Variants in GALNT13 observed in about 807,000 individuals in gnomAD.
GALNT13 encodes UDP-GalNAc:polypeptide N-acetylgalactosaminyltransferase 13.
In GALNT13, 28 loss-of-function variants were observed where a neutral mutation model predicts 64.2. The observed-to-expected ratio is 0.44, with a 90% CI of 0.32 to 0.60. The LOEUF (loss-of-function observed/expected upper bound fraction) is 0.60, where lower values mean the gene tolerates loss of function less well. Ranked by LOEUF, GALNT13 falls within the 20% of genes least tolerant of loss-of-function variation. The pLI is 0.05. For synonymous variants in GALNT13, 214 were observed against 224.6 expected (o/e 0.95, Z 0.42); for missense variants, 577 against 669.8 (o/e 0.86, Z 1.53).
intron 9 of GALNT13, among the ~76,000 whole-genome samples, chr2:154,388,574 T>C (rs932579828): frequency 6.6e-6 from 1 of 152,206 alleles, no homozygotes; most frequent in Non-Finnish European, 1.5e-5. Flanking sequence ...TGGTATAAGA[T>C]AAGAATAAGA....
At chr2:153,733,866 A>T in the GALNT13 span, among the ~76,000 whole-genome samples, 6 of 152,310 alleles carry the variant, frequency 3.9e-5, no homozygotes, top group South Asian at 8.3e-4. Context: ...TTTCCAGCAG[A>T]CCGTCCTTTT....
the GALNT13 span, among the ~76,000 whole-genome samples, chr2:153,161,563 G>C: frequency 6.6e-6 from 1 of 151,894 alleles, no homozygotes; most frequent in African/African-American, 2.4e-5. Context: ...AGTTCAGCCA[G>C]ACTTAAGAGA....
chr2:154,144,908 G>A (rs990830750), intron 4 of GALNT13, among the ~76,000 whole-genome samples: 1 of 151,408 alleles, frequency 6.6e-6, no homozygotes, highest in Non-Finnish European at 1.5e-5. Context: ...ACATTTGTAT[G>A]TAATCCTAAT....
chr2:154,399,377 G>C lies in GALNT13; in HGVS notation c.1296+3247G>C, dbSNP rs146889291. ...TATTTGTCATAGTTCTGGAGATTAG[G>C]AAGTCCAAGATCAAGGTGCCAACCG... On this transcript the variant is annotated intron_variant, in intron 10 of 12. Coordinates refer to ENST00000392825, the MANE Select transcript of GALNT13 (RefSeq NM_052917.4). 5.6e-3 allele frequency among the ~76,000 whole-genome samples: 859 copies of C among 152,236 alleles called. 7 individuals carry two copies. The highest frequency in any genetic ancestry group is 0.02 in the African/African-American group (817 of 41,538).
chr2:154,132,449 C>T (rs1682672855), intron 3 of GALNT13, among the ~76,000 whole-genome samples: 1 of 151,982 alleles, frequency 6.6e-6, no homozygotes. Flanking sequence ...TTCTATGCAT[C>T]ATTTTAATCA....
chr2:153,071,901 G>A, the GALNT13 span, among the ~76,000 whole-genome samples: 1 of 152,086 alleles, frequency 6.6e-6, no homozygotes, highest in Non-Finnish European at 1.5e-5. Context: ...AGTTCTATCT[G>A]GTTCTTTACA....
the GALNT13 span, among the ~76,000 whole-genome samples, chr2:153,238,013 G>A: frequency 6.6e-6 from 1 of 151,670 alleles, no homozygotes; most frequent in African/African-American, 2.4e-5. Flanking sequence ...CTGTTTTTTG[G>A]ATAAAAAACC....
chr2:153,944,480 T>C lies in GALNT13; in HGVS notation c.-18T>C. On this transcript the variant is annotated 5_prime_UTR_variant, in exon 3 of 13. It removes the in-frame stop codon of an upstream open reading frame in the 5' UTR. Coordinates refer to ENST00000392825, the MANE Select transcript of GALNT13 (RefSeq NM_052917.4). ...ATTTGTCTTCAATCTGTGTGTTAAC[T>C]AGAAATCAAGGAAAGACATGAGGAG... 6.2e-7 allele frequency: 1 copy of C among 1,610,078 alleles called. No homozygotes were observed. Among genetic ancestry groups the C allele is most frequent in the Non-Finnish European group, 8.5e-7 (1 of 1,177,816 alleles).
the GALNT13 span, among the ~76,000 whole-genome samples, chr2:153,333,957 C>G: frequency 6.6e-6 from 1 of 152,028 alleles, no homozygotes; most frequent in South Asian, 2.1e-4. Context: ...TGAGTCTTTT[C>G]TTTGGAAACA....
chr2:153,523,091 A>C, the GALNT13 span, among the ~76,000 whole-genome samples: 1 of 132,456 alleles, frequency 7.5e-6, no homozygotes, highest in African/African-American at 3.2e-5. Flanking sequence ...AGTTGTTCCA[A>C]ACACCATTTG....
At chr2:154,096,750 C>T (rs1273170637) in intron 3 of GALNT13, among the ~76,000 whole-genome samples, 31 of 151,962 alleles carry the variant, frequency 2.0e-4, no homozygotes. Context: ...CTATGAAGAG[C>T]ACCAATAAAT....
At chr2:154,317,139 G>T (rs894451035) in intron 9 of GALNT13, among the ~76,000 whole-genome samples, 2 of 151,810 alleles carry the variant, frequency 1.3e-5, no homozygotes, top group South Asian at 4.2e-4. Context: ...CTTGAACCTG[G>T]GAGGCAGAGG....
the GALNT13 span, among the ~76,000 whole-genome samples, chr2:153,534,673 T>G: frequency 6.6e-6 from 1 of 150,970 alleles, no homozygotes; most frequent in Non-Finnish European, 1.5e-5. Flanking sequence ...TCAAAGGGGG[T>G]TTGTTCTCTG....
the GALNT13 span, chr2:153,337,711 G>C: frequency 6.6e-6 from 1 of 152,172 alleles, no homozygotes; most frequent in Non-Finnish European, 1.5e-5. Context: ...ACAGCGATGG[G>C]AGACCTGGTC....
chr2:153,930,820 C>CA (rs1400729586), intron 2 of GALNT13, among the ~76,000 whole-genome samples: 1 of 151,966 alleles, frequency 6.6e-6, no homozygotes, highest in Non-Finnish European at 1.5e-5. Context: ...TATTTGGTGC[C>CA]ATATGAACTT....
chr2:154,143,496 A>G (rs1683385191), intron 4 of GALNT13, among the ~76,000 whole-genome samples: 1 of 134,432 alleles, frequency 7.4e-6, no homozygotes. Context: ...CCATGAATTA[A>G]AAAAAAAATA....
At chr2:153,146,306 A>T in the GALNT13 span, among the ~76,000 whole-genome samples, 5 of 151,776 alleles carry the variant, frequency 3.3e-5, no homozygotes, top group African/African-American at 1.2e-4. Context: ...CTCTGAAGAC[A>T]TAATTCAGTC....
intron 1 of GALNT13, among the ~76,000 whole-genome samples, chr2:153,887,766 C>T (rs1395989322): frequency 6.6e-6 from 1 of 151,904 alleles, no homozygotes; most frequent in Non-Finnish European, 1.5e-5. Context: ...GTTATTTGAT[C>T]TGCTTTGACT....
chr2:153,685,496 A>G, the GALNT13 span, among the ~76,000 whole-genome samples: 9 of 151,796 alleles, frequency 5.9e-5, no homozygotes, highest in Non-Finnish European at 1.2e-4. Flanking sequence ...TCTTTTGCTC[A>G]TTTTAAATGG....
Sources: gnomAD v4.1 joint callset for allele counts (sites outside exome capture counted in the v4.1 genomes callset) on GRCh38, gnomAD v4.1.1 for gene constraint, MANE v1.5 for transcripts, NCBI Gene and HGNC (gene_info 2026-07-23, HGNC 2026-07-21) for gene names.